SLC35F4: variants seen among roughly 807,000 people sequenced by gnomAD.
The protein encoded by SLC35F4 is chromosome 14 open reading frame 36.
Under a neutral mutation model 44.2 loss-of-function variants are expected in SLC35F4, and 24 were observed. The observed-to-expected ratio is 0.54, with a 90% CI of 0.39 to 0.76. The LOEUF (loss-of-function observed/expected upper bound fraction) is 0.76. Ranked by LOEUF, SLC35F4 falls within the 30% of genes least tolerant of loss-of-function variation. The pLI, the probability that SLC35F4 is intolerant of heterozygous loss-of-function variation, is 0.00. For missense variants in SLC35F4, 562 were observed against 586.1 expected, an observed-to-expected ratio of 0.96 and a Z score of 0.42; for synonymous variants, 238 against 223.6, an observed-to-expected ratio of 1.06 and a Z score of -0.57.
intron 1 of SLC35F4, among the ~76,000 whole-genome samples, chr14:57,880,210 T>G (rs1457920206): frequency 5.3e-5 from 8 of 152,160 alleles, no homozygotes; most frequent in Non-Finnish European, 8.8e-5. Flanking sequence ...AGAACTATCA[T>G]GAGGATAAAA....
At chr14:57,565,946 G>T (rs779994451) in intron 7 of SLC35F4, among the ~76,000 whole-genome samples, 1 of 152,090 alleles carries the variant, frequency 6.6e-6, no homozygotes, top group Non-Finnish European at 1.5e-5. Context: ...TGTTTCACTG[G>T]CAGGTTTCTC....
At chr14:57,952,087 G>A (rs919925557) in intron 1 of SLC35F4, among the ~76,000 whole-genome samples, 1 of 152,192 alleles carries the variant, frequency 6.6e-6, no homozygotes, top group African/African-American at 2.4e-5. Context: ...TCCAAAGGAA[G>A]GAACAGGCAG....
chr14:57,747,100 A>G (rs77022799), intron 1 of SLC35F4, among the ~76,000 whole-genome samples: 5,270 of 152,334 alleles, frequency 0.035, 134 homozygotes, highest in South Asian at 0.06. Context: ...AAAACAAAAC[A>G]AAAAGGAAAT....
intron 1 of SLC35F4, among the ~76,000 whole-genome samples, chr14:57,980,015 C>T (rs530885005): frequency 2.0e-4 from 30 of 152,324 alleles, no homozygotes; most frequent in Non-Finnish European, 3.8e-4. Context: ...CTCACCCACT[C>T]GGTTCCTAAA....
intron 1 of SLC35F4, among the ~76,000 whole-genome samples, chr14:57,692,641 G>A (rs935114626): frequency 6.6e-6 from 1 of 151,820 alleles, no homozygotes; most frequent in Middle Eastern, 3.2e-3. Context: ...TTGCTGATAC[G>A]GAATTACAAT....
chr14:57,980,285 A>T (rs10147967), intron 1 of SLC35F4, among the ~76,000 whole-genome samples: 18 of 152,112 alleles, frequency 1.2e-4, no homozygotes, highest in Middle Eastern at 3.4e-3. Context: ...TTGGAATTTT[A>T]GCTGTCAGGA....
intron 1 of SLC35F4, among the ~76,000 whole-genome samples, chr14:57,915,908 A>G (rs150726772): frequency 7.4e-4 from 112 of 152,312 alleles, no homozygotes; most frequent in African/African-American, 2.6e-3. Context: ...GTTTCTCCAG[A>G]TTCTTAGCCT....
intron 1 of SLC35F4, among the ~76,000 whole-genome samples, chr14:57,650,937 C>T (rs1007804203): frequency 1.3e-5 from 2 of 152,188 alleles, no homozygotes; most frequent in Admixed American, 6.5e-5. Flanking sequence ...TCCTTCAGGT[C>T]TCAGACCAAA....
intron 4 of SLC35F4, among the ~76,000 whole-genome samples, chr14:57,577,099 G>A (rs1447902154): frequency 6.6e-6 from 1 of 152,182 alleles, no homozygotes; most frequent in Non-Finnish European, 1.5e-5. Flanking sequence ...CATGAATAAA[G>A]AGGAGCCAAA....
chr14:57,628,686 C>T (rs1172743347), intron 1 of SLC35F4, among the ~76,000 whole-genome samples: 1 of 152,012 alleles, frequency 6.6e-6, no homozygotes, highest in African/African-American at 2.4e-5. Flanking sequence ...TTTTCTTTAT[C>T]CAGCTAAATA....
intron 2 of SLC35F4, among the ~76,000 whole-genome samples, chr14:57,591,730 T>G (rs1460401224): frequency 6.6e-6 from 1 of 152,240 alleles, no homozygotes; most frequent in Non-Finnish European, 1.5e-5. Flanking sequence ...AAAAAAGTTC[T>G]GTTTCCTGGC....
intron 1 of SLC35F4, chr14:57,837,494 C>T (rs1009600418): frequency 6.6e-6 from 1 of 152,236 alleles, no homozygotes; most frequent in Non-Finnish European, 1.5e-5. Context: ...AAGGGTAGAC[C>T]TCCTCCAATT....
intron 1 of SLC35F4, among the ~76,000 whole-genome samples, chr14:57,713,411 T>G (rs2075859185): frequency 6.6e-6 from 1 of 152,188 alleles, no homozygotes; most frequent in Non-Finnish European, 1.5e-5. Flanking sequence ...TTCTCCAGTT[T>G]TATTTCCCCT....
intron 1 of SLC35F4, among the ~76,000 whole-genome samples, chr14:57,681,831 A>G (rs186936409): frequency 1.3e-5 from 2 of 152,214 alleles, no homozygotes; most frequent in East Asian, 3.9e-4. Flanking sequence ...AAAAGTGGGC[A>G]AAGGATATGA....
At chr14:57,591,256 C>T (rs1308772004) in intron 2 of SLC35F4, among the ~76,000 whole-genome samples, 1 of 152,054 alleles carries the variant, frequency 6.6e-6, no homozygotes. Context: ...AGAGCCAGCT[C>T]AGACAGATAC....
At chr14:57,666,375 G>A (rs1330116667) in intron 1 of SLC35F4, among the ~76,000 whole-genome samples, 3 of 151,404 alleles carry the variant, frequency 2.0e-5, no homozygotes, top group Non-Finnish European at 1.5e-5. Flanking sequence ...TGACCTTTAG[G>A]TTTCCAGGAC....
chr14:57,964,989 A>AT (rs1351434287), intron 1 of SLC35F4, among the ~76,000 whole-genome samples: 6,367 of 127,016 alleles, frequency 0.05, 155 homozygotes, highest in African/African-American at 0.067. Flanking sequence ...AAAAAAAAAA[A>AT]AAATATATAT....
intron 1 of SLC35F4, among the ~76,000 whole-genome samples, chr14:57,807,989 C>T (rs980430482): frequency 1.3e-5 from 2 of 151,570 alleles, no homozygotes; most frequent in South Asian, 2.1e-4. Flanking sequence ...ATAAAACCAT[C>T]GGATCTTTTG....
chr14:57,900,498 C>G (rs921459861), intron 1 of SLC35F4, among the ~76,000 whole-genome samples: 7 of 152,160 alleles, frequency 4.6e-5, no homozygotes, highest in Non-Finnish European at 2.9e-5. Flanking sequence ...CCCTCTCTTT[C>G]TAGAAGAGAG....
Sources: allele counts gnomAD v4.1 joint callset (sites outside exome capture counted in the v4.1 genomes callset), GRCh38; gene constraint gnomAD v4.1.1; transcripts MANE v1.5; gene names NCBI Gene and HGNC (gene_info 2026-07-23, HGNC 2026-07-21).